The following ACTR3B variants were observed in gnomAD, a reference collection of about 807,000 sequenced individuals.
ACTR3B encodes the protein actin related protein 3B.
In ACTR3B, 8 loss-of-function variants were observed where a neutral mutation model predicts 59.0. The observed-to-expected ratio is 0.14, with a 90% CI of 0.08 to 0.24. The LOEUF is 0.24. Among genes scored for constraint, ACTR3B ranks in the 10% least tolerant of loss-of-function variants. The pLI is 1.00. For synonymous variants in ACTR3B, 148 were observed against 197.9 expected, an observed-to-expected ratio of 0.75 and a Z score of 2.12; for missense variants, 245 against 552.3, an observed-to-expected ratio of 0.44 and a Z score of 5.58.
intron 9 of ACTR3B, among the ~76,000 whole-genome samples, chr7:152,848,622 T>C (rs1368325542): frequency 6.6e-6 from 1 of 152,216 alleles, no homozygotes; most frequent in Non-Finnish European, 1.5e-5. Flanking sequence ...TCGGCCAGCG[T>C]GGCCAATCAT....
In ACTR3B at chr7:152,852,190, T is replaced by C. The variant is rs139903799; in HGVS notation, c.1016T>C (p.Leu339Ser). ...RDFGRRLQRD[L>S]KRVVDARLRL... ...TTCGGACGCCGACTGCAGAGGGATT[T>C]GAAGAGAGTGGTGGATGCTAGGCTG... The change falls in exon 10 of 12, where the codon TTG (leucine) becomes TCG (serine). Residue 339 changes from leucine (L) to serine (S), a missense_variant. By Grantham distance (145) the Leu-to-Ser change is moderately radical (BLOSUM62 -2). Around this residue, in one of 7 missense-constraint regions of ACTR3B, gnomAD observed 153 missense variants for 266.2 expected, o/e 0.57. Coordinates refer to ENST00000256001, the MANE Select transcript of ACTR3B (RefSeq NM_020445.6). 2 of 1,613,848 alleles carry C rather than the reference T, an allele frequency of 1.2e-6. No homozygotes were observed. The highest frequency in any genetic ancestry group is 1.7e-6 in the Non-Finnish European group (2 of 1,179,990).
intron 4 of ACTR3B, chr7:152,813,387 T>G (rs1795426168): frequency 1.3e-5 from 2 of 152,080 alleles, no homozygotes; most frequent in African/African-American, 4.8e-5. Context: ...TCAAGTTTAT[T>G]TATTCTTTTT....
intron 6 of ACTR3B, among the ~76,000 whole-genome samples, chr7:152,819,106 TG>T (rs1477005064): frequency 6.6e-6 from 1 of 152,256 alleles, no homozygotes; most frequent in Non-Finnish European, 1.5e-5. Context: ...ATTATTTTTA[TG>T]GGTTTAAGTT....
chr7:152,853,433 G>A (rs1798995811), intron 10 of ACTR3B, 61 bp from the exon 11 acceptor site: 1 of 1,517,884 alleles, frequency 6.6e-7, no homozygotes, highest in Admixed American at 1.7e-5. Context: ...GTCAGCCGGG[G>A]GATGATTAGA....
chr7:152,853,426 A>G, intron 10 of ACTR3B, 68 bp from the exon 11 acceptor site: 1 of 1,484,130 alleles, frequency 6.7e-7, no homozygotes, highest in Non-Finnish European at 9.3e-7. Context: ...TGGTCTCGTC[A>G]GCCGGGGGAT....
In ACTR3B at chr7:152,822,471, T is replaced by C. The variant is rs1312746543; in HGVS notation, c.685-871T>C. 1.3e-5 allele frequency among the ~76,000 whole-genome samples: 2 copies of C among 152,270 alleles called. 1 individual carries two copies. Among genetic ancestry groups the C allele is most frequent in the African/African-American group, 4.8e-5 (2 of 41,484 alleles). ...AACACTTCGCATCCCTCAGGCTGCC[T>C]GTCGGTGCAGGGCGGGAATCGTTAG... On this transcript the variant is annotated intron_variant, in intron 7 of 11. Coordinates refer to ENST00000256001, the MANE Select transcript of ACTR3B (RefSeq NM_020445.6).
chr7:152,846,971 C>T (rs28464019), intron 9 of ACTR3B, among the ~76,000 whole-genome samples: 72,432 of 135,936 alleles, frequency 0.53, 20,383 homozygotes, highest in East Asian at 0.68. Context: ...CTGTAGTCTG[C>T]AGTGAGCCCC....
intron 1 of ACTR3B, among the ~76,000 whole-genome samples, chr7:152,765,857 A>G (rs1205485174): frequency 6.6e-6 from 1 of 152,116 alleles, no homozygotes; most frequent in Non-Finnish European, 1.5e-5. Context: ...CCAGCATCTA[A>G]TGAGGCCCTG....
At chr7:152,806,914 G>T (rs1184381342) in intron 4 of ACTR3B, among the ~76,000 whole-genome samples, 1 of 152,176 alleles carries the variant, frequency 6.6e-6, no homozygotes, top group African/African-American at 2.4e-5. Flanking sequence ...GTCACTCAAA[G>T]GCATGAAGAC....
intron 9 of ACTR3B, among the ~76,000 whole-genome samples, chr7:152,848,395 T>A (rs528771598): frequency 7.9e-5 from 12 of 152,330 alleles, no homozygotes; most frequent in African/African-American, 2.9e-4. Context: ...GCTGGAGGAA[T>A]CTTAGCCTGG....
chr7:152,851,574 C>A (rs1393630750), intron 9 of ACTR3B, among the ~76,000 whole-genome samples: 3 of 152,204 alleles, frequency 2.0e-5, no homozygotes, highest in Non-Finnish European at 4.4e-5. Flanking sequence ...GAGTGCTTCC[C>A]CTTCCTCAGC....
intron 9 of ACTR3B, among the ~76,000 whole-genome samples, chr7:152,833,539 G>A (rs1326504799): frequency 2.0e-5 from 3 of 152,188 alleles, no homozygotes; most frequent in Non-Finnish European, 2.9e-5. Context: ...GTCTGTGAGC[G>A]GTTCTTTACC....
chr7:152,772,878 A>G (rs879214135), intron 1 of ACTR3B, among the ~76,000 whole-genome samples: 1 of 152,086 alleles, frequency 6.6e-6, no homozygotes, highest in Non-Finnish European at 1.5e-5. Flanking sequence ...AAATTTCCTG[A>G]AAGTCAACAA....
chr7:152,821,557 A>G (rs1796158884), intron 7 of ACTR3B, among the ~76,000 whole-genome samples: 1 of 151,828 alleles, frequency 6.6e-6, no homozygotes, highest in Non-Finnish European at 1.5e-5. Context: ...TTCCGCCAGG[A>G]TTGCTGAGCA....
chr7:152,842,986 A>T (rs1797985204), intron 9 of ACTR3B, among the ~76,000 whole-genome samples: 1 of 152,204 alleles, frequency 6.6e-6, no homozygotes, highest in Non-Finnish European at 1.5e-5. Flanking sequence ...GGTCATTTGT[A>T]TATTTTCTTT....
chr7:152,840,203 T>C (rs1458532295), intron 9 of ACTR3B, among the ~76,000 whole-genome samples: 2 of 130,632 alleles, frequency 1.5e-5, no homozygotes, highest in African/African-American at 2.8e-5. Context: ...CATTCCACGA[T>C]GCCTGGGGAG....
rs200082302 is a variant in ACTR3B at position 152,841,777 on chromosome 7, T to G, written c.952-10349T>G. 3.7e-3 allele frequency among the ~76,000 whole-genome samples: 558 copies of G among 152,274 alleles called. 13 individuals are homozygous for G. In the East Asian group the frequency reaches 0.085, roughly 23 times the overall value. ...GTACACCCTCTTTAGGGCATCTTTC[T>G]TCTCATTTAAGTCCCCGATGCCACC... On this transcript the variant is annotated intron_variant, in intron 9 of 11. Coordinates refer to ENST00000256001, the MANE Select transcript of ACTR3B (RefSeq NM_020445.6).
intron 1 of ACTR3B, among the ~76,000 whole-genome samples, chr7:152,782,372 A>G (rs1399206641): frequency 9.9e-5 from 15 of 152,064 alleles, no homozygotes; most frequent in Non-Finnish European, 2.2e-4. Flanking sequence ...CCGCGTTTCA[A>G]CTTTATTTCC....
At chr7:152,852,084 G>T (rs149943653) in intron 9 of ACTR3B, 42 bp from the exon 10 acceptor site, 2 of 1,613,452 alleles carry the variant, frequency 1.2e-6, no homozygotes, top group South Asian at 1.1e-5. Flanking sequence ...AACTGTGGGC[G>T]GGCGGTTTTA....
Sources: gnomAD v4.1 joint callset for allele counts (sites outside exome capture counted in the v4.1 genomes callset) on GRCh38, gnomAD v4.1.1 for gene constraint, gnomAD v4.1.1 regional missense constraint, MANE v1.5 for transcripts, NCBI Gene and HGNC (gene_info 2026-07-23, HGNC 2026-07-21) for gene names.